The following KCNIP1 variants were observed in gnomAD, a reference collection of about 807,000 sequenced individuals.
KCNIP1 encodes the protein potassium voltage-gated channel interacting protein 1.
Under a neutral mutation model 33.0 loss-of-function variants are expected in KCNIP1, and 18 were observed. The observed-to-expected ratio is 0.55, with a 90% CI of 0.38 to 0.81. The LOEUF (loss-of-function observed/expected upper bound fraction) is 0.81. Ranked by LOEUF, KCNIP1 falls within the 30% of genes least tolerant of loss-of-function variation. The probability of loss-of-function intolerance (pLI) is 0.00; values close to 1 mark genes in which losing one functional copy is unlikely to be tolerated. For missense variants in KCNIP1, 238 were observed against 271.6 expected (o/e 0.88, Z 0.87); for synonymous variants, 93 against 98.3 (o/e 0.95, Z 0.32).
chr5:170,686,267 T>C (rs968211759), intron 1 of KCNIP1, among the ~76,000 whole-genome samples: 4 of 151,558 alleles, frequency 2.6e-5, no homozygotes, highest in African/African-American at 9.7e-5. Context: ...ACACATAAGA[T>C]AGGAAGATGA....
chr5:170,431,121 G>A (rs1755729972), intron 1 of KCNIP1, among the ~76,000 whole-genome samples: 1 of 152,224 alleles, frequency 6.6e-6, no homozygotes, highest in Non-Finnish European at 1.5e-5. Context: ...TCCAATTAAG[G>A]GACTTGCGGA....
intron 1 of KCNIP1, among the ~76,000 whole-genome samples, chr5:170,479,807 C>A (rs73311787): frequency 0.019 from 2,939 of 152,296 alleles, 71 homozygotes; most frequent in African/African-American, 0.055. Flanking sequence ...CATATTTGTG[C>A]TTTGTTTAAC....
At chr5:170,610,646 T>A (rs1478801735) in intron 1 of KCNIP1, among the ~76,000 whole-genome samples, 1 of 152,220 alleles carries the variant, frequency 6.6e-6, no homozygotes, top group Non-Finnish European at 1.5e-5. Context: ...TCTGCCTCAG[T>A]TTCTTCATGT....
chr5:170,653,056 G>A (rs10070989), intron 1 of KCNIP1, among the ~76,000 whole-genome samples: 14,929 of 152,224 alleles, frequency 0.098, 813 homozygotes, highest in African/African-American at 0.11. Context: ...GTCGGGGGAA[G>A]GAGCGAGGGT....
At chr5:170,525,906 T>C (rs4867975) in intron 1 of KCNIP1, among the ~76,000 whole-genome samples, 98,822 of 152,130 alleles carry the variant, frequency 0.65, 33,459 homozygotes, top group African/African-American at 0.85. Flanking sequence ...CACACCCCTG[T>C]GCAGGGCTTC....
chr5:170,733,684 A>C, intron 6 of KCNIP1, 152 bp from the exon 7 acceptor site: 1 of 627,144 alleles, frequency 1.6e-6, no homozygotes, highest in Non-Finnish European at 2.8e-6. Context: ...GGCCAGTGAA[A>C]GACAACTCTC....
At chr5:170,405,390 G>C (rs1245628130) in intron 1 of KCNIP1, among the ~76,000 whole-genome samples, 2 of 152,124 alleles carry the variant, frequency 1.3e-5, no homozygotes, top group African/African-American at 4.8e-5. Flanking sequence ...TTTTAGTAGA[G>C]ACAGGGTTTC....
At chr5:170,702,677 C>A (rs569718404) in intron 1 of KCNIP1, among the ~76,000 whole-genome samples, 5 of 152,080 alleles carry the variant, frequency 3.3e-5, no homozygotes, top group African/African-American at 9.7e-5. Context: ...CAGCAGAGAC[C>A]CTTAGGGTGG....
intron 1 of KCNIP1, among the ~76,000 whole-genome samples, chr5:170,363,962 C>A (rs1288971027): frequency 2.0e-5 from 3 of 150,892 alleles, no homozygotes; most frequent in African/African-American, 7.3e-5. Context: ...GAGTCATGAA[C>A]AGTATTTGTG....
chr5:170,354,897 CTT>C (rs1763304365), intron 1 of KCNIP1, among the ~76,000 whole-genome samples: 1 of 152,162 alleles, frequency 6.6e-6, no homozygotes, highest in African/African-American at 2.4e-5. Context: ...CAGGAAGAGT[CTT>C]TGGGGGCTGG....
chr5:170,597,761 TTC>T (rs1758494086), intron 1 of KCNIP1, among the ~76,000 whole-genome samples: 1 of 129,760 alleles, frequency 7.7e-6, no homozygotes, highest in African/African-American at 2.9e-5. Context: ...TACAGCTCAC[TTC>T]TGATGCTGGA....
intron 1 of KCNIP1, among the ~76,000 whole-genome samples, chr5:170,388,488 A>G (rs1159703029): frequency 6.6e-6 from 1 of 152,234 alleles, no homozygotes; most frequent in Non-Finnish European, 1.5e-5. Context: ...GCATTTCTAA[A>G]TATCTCTGAA....
At chr5:170,503,724 T>TCACACACACACACACACACACACA (rs70979180), upstream of KCNIP1, among the ~76,000 whole-genome samples, 4 of 136,544 alleles carry the variant, frequency 2.9e-5, no homozygotes, top group African/African-American at 8.0e-5. Flanking sequence ...CGCACGCACA[T>TCACACACACACACACACACACACA]CACACACACA....
chr5:170,471,370 C>G (rs73311776), intron 1 of KCNIP1, among the ~76,000 whole-genome samples: 2 of 152,204 alleles, frequency 1.3e-5, no homozygotes, highest in African/African-American at 4.8e-5. Flanking sequence ...CCAGAAGAAA[C>G]CACTGTTTGG....
At chr5:170,364,471 A>C (rs921123651) in intron 1 of KCNIP1, among the ~76,000 whole-genome samples, 3 of 152,244 alleles carry the variant, frequency 2.0e-5, no homozygotes, top group Non-Finnish European at 4.4e-5. Context: ...ATACGATTAT[A>C]ATCCCCTTAC....
In KCNIP1 at chr5:170,688,597, G is replaced by C. The variant is rs890504809; in HGVS notation, c.62-30161G>C. Among the ~76,000 whole-genome samples the C allele has an allele frequency of 3.3e-5, 5 of 152,184 alleles. No individual in the cohort carries two copies. The East Asian group carries it at 5.8e-4, about 18-fold the overall frequency. On this transcript the variant is annotated intron_variant, in intron 1 of 7. Coordinates refer to ENST00000328939, the MANE Select transcript of KCNIP1 (RefSeq NM_014592.4). ...AGGGAATCCAGGGAGTTCCAACTTG[G>C]GTTCACAGCTGCAATTCTCAAAGGA...
chr5:170,653,049 G>A (rs76203524), intron 1 of KCNIP1, among the ~76,000 whole-genome samples: 2,131 of 152,268 alleles, frequency 0.014, 49 homozygotes, highest in East Asian at 0.073. Flanking sequence ...CAGCTGGGTC[G>A]GGGGAAGGAG....
intron 1 of KCNIP1, among the ~76,000 whole-genome samples, chr5:170,583,983 A>G (rs1368942801): frequency 2.0e-5 from 3 of 152,170 alleles, no homozygotes; most frequent in African/African-American, 7.2e-5. Flanking sequence ...CAGAATGGAC[A>G]TTGGCCTCAC....
At chr5:170,538,158 G>C (rs961367729) in intron 1 of KCNIP1, among the ~76,000 whole-genome samples, 1 of 152,160 alleles carries the variant, frequency 6.6e-6, no homozygotes, top group African/African-American at 2.4e-5. Flanking sequence ...AGCCCTTAAT[G>C]ACTATCCTCA....
Sources: gnomAD v4.1 joint callset for allele counts (sites outside exome capture counted in the v4.1 genomes callset) on GRCh38, gnomAD v4.1.1 for gene constraint, MANE v1.5 for transcripts, NCBI Gene and HGNC (gene_info 2026-07-23, HGNC 2026-07-21) for gene names.